Variants in KANK1 observed in about 807,000 individuals in gnomAD.
KANK1 encodes KN motif and ankyrin repeat domains 1.
A neutral mutation model predicts 106.2 loss-of-function variants in KANK1; 109 were observed. The ratio of observed to expected loss-of-function variants is 1.03; its 90% confidence interval spans 0.88 to 1.20. The LOEUF (loss-of-function observed/expected upper bound fraction) is 1.20. KANK1 is among the 50% of genes most tolerant of loss of function. KANK1 has a pLI of 0.00. For missense variants in KANK1, 2,399 were observed against 1,710.7 expected, an observed-to-expected ratio of 1.40 and a Z score of -7.10; for synonymous variants, 873 against 652.2, an observed-to-expected ratio of 1.34 and a Z score of -5.16.
In KANK1 at chr9:687,416, C is replaced by G. The variant is rs1338451693; in HGVS notation, c.37+10407C>G. 2.0e-5 allele frequency among the ~76,000 whole-genome samples: 3 copies of G among 152,114 alleles called. No individual in the cohort carries two copies. In the East Asian group the frequency reaches 5.8e-4, roughly 29 times the overall value. ...ATTATTCCCTTATCTTAACTCTGAA[C>G]TTTTGTTTTGGACTTATTTTGTCTG... On this transcript the variant is annotated intron_variant, in intron 2 of 11. Coordinates refer to ENST00000382297, the MANE Select transcript of KANK1 (RefSeq NM_015158.5).
At chr9:674,449 C>T (rs1049299816) in intron 1 of KANK1, 5 of 151,132 alleles carry the variant, frequency 3.3e-5, no homozygotes, top group African/African-American at 9.7e-5. Flanking sequence ...GTTGCTTTCA[C>T]AGTAGTTAGC....
intron 1 of KANK1, among the ~76,000 whole-genome samples, chr9:612,245 G>GT (rs1352037840): frequency 6.6e-6 from 1 of 152,182 alleles, no homozygotes; most frequent in African/African-American, 2.4e-5. Flanking sequence ...TCTTGGGTAA[G>GT]ACTGAGAATG....
intron 9 of KANK1, among the ~76,000 whole-genome samples, chr9:741,606 G>A (rs764079525): frequency 6.6e-6 from 1 of 151,386 alleles, no homozygotes; most frequent in Non-Finnish European, 1.5e-5. Context: ...TCCTGCCTCA[G>A]CCTCCCAAGT....
chr9:731,356 G>A, intron 5 of KANK1, 90 bp downstream of exon 5: 2 of 701,000 alleles, frequency 2.9e-6, no homozygotes, highest in Admixed American at 2.6e-5. Context: ...AGTCGGGGAA[G>A]CGGCCACAGC....
intron 1 of KANK1, among the ~76,000 whole-genome samples, chr9:631,433 C>G (rs533756554): frequency 1.3e-5 from 2 of 152,148 alleles, no homozygotes; most frequent in South Asian, 4.1e-4. Context: ...CAACTATACC[C>G]TTGAGCTCAG....
intron 2 of KANK1, among the ~76,000 whole-genome samples, chr9:683,797 G>A (rs1818027265): frequency 6.6e-6 from 1 of 152,080 alleles, no homozygotes; most frequent in Admixed American, 6.6e-5. Context: ...CTTCATCCTA[G>A]TATTAGTGTG....
intron 3 of KANK1, among the ~76,000 whole-genome samples, chr9:480,245 G>T (rs1286726764): frequency 1.3e-5 from 2 of 152,158 alleles, no homozygotes; most frequent in Non-Finnish European, 2.9e-5. Context: ...CAACCTTCTG[G>T]GATGCTGGTT....
chr9:687,208 C>T (rs1008550241), intron 2 of KANK1, among the ~76,000 whole-genome samples: 1 of 152,026 alleles, frequency 6.6e-6, no homozygotes, highest in Admixed American at 6.5e-5. Flanking sequence ...CATTTTCCTT[C>T]TTTGTGTAAT....
intron 3 of KANK1, among the ~76,000 whole-genome samples, chr9:489,687 G>GTCT (rs2058346742): frequency 6.6e-6 from 1 of 152,130 alleles, no homozygotes. Flanking sequence ...AGATAATAGA[G>GTCT]GTAAGATGCC....
chr9:669,626 C>A (rs1044468889), intron 1 of KANK1, among the ~76,000 whole-genome samples: 2 of 152,016 alleles, frequency 1.3e-5, no homozygotes, highest in Non-Finnish European at 2.9e-5. Context: ...ATGTTATATC[C>A]TCCTTTTTTC....
At position 712,773 on chromosome 9, in the gene KANK1, A is replaced by T. The variant is rs1326967810; in HGVS notation, c.2007A>T (p.Ala669=). Residue 669 remains alanine (A), a synonymous_variant, in exon 3 of 12, where the codon GCA becomes GCT. Transcript: ENST00000382297. ...EAAVMAVPRT[A]DQDTSTDLEQ... ...CCGTCATGGCAGTGCCTCGTACTGC[A>T]GACCAGGACACTAGCACAGATTTGG... is the stretch of plus-strand genomic sequence containing the variant. 2 of 1,613,758 alleles carry T rather than the reference A, an allele frequency of 1.2e-6. No individual in the cohort carries two copies. The highest frequency in any genetic ancestry group is 1.3e-5 in the African/African-American group (1 of 74,924).
Position 660,557 on chromosome 9 carries a change from A to G in KANK1, c.-83-16333A>G, listed in dbSNP as rs538501637. On this transcript the variant is annotated intron_variant, in intron 1 of 11. Transcript: ENST00000382297. ...AGAGGTCAAGCAGTAGGCGCCTGGC[A>G]GTGTCAAGTCTGAAACAAAGCAATA... is the stretch of plus-strand genomic sequence containing the variant. Among the ~76,000 whole-genome samples the G allele has an allele frequency of 4.6e-5, 7 of 152,304 alleles. 1 individual carries two copies. Among genetic ancestry groups the G allele is most frequent in the African/African-American group, 1.7e-4 (7 of 41,544 alleles).
chr9:513,148 A>T lies in KANK1; in HGVS notation c.-84+8394A>T, dbSNP rs79431890. On this transcript the variant is annotated intron_variant, in intron 1 of 11. Transcript: ENST00000382297. ...TCTTTGTGAGCCTAGCAGGTGGCAT[A>T]ATTTGACACTTTTTATTTTTTCTCT... Among the ~76,000 whole-genome samples the T allele has an allele frequency of 2.5e-3, 382 of 152,284 alleles. 1 individual carries two copies. Among genetic ancestry groups the T allele is most frequent in the Non-Finnish European group, 4.6e-3 (310 of 68,038 alleles).
At chr9:739,948 C>T (rs1418272006) in intron 8 of KANK1, among the ~76,000 whole-genome samples, 2 of 152,068 alleles carry the variant, frequency 1.3e-5, no homozygotes, top group Admixed American at 1.3e-4. Context: ...TTAAAAACAC[C>T]CACTTTTAAA....
chr9:639,163 T>G (rs1837818261), intron 1 of KANK1, among the ~76,000 whole-genome samples: 1 of 152,186 alleles, frequency 6.6e-6, no homozygotes, highest in African/African-American at 2.4e-5. Flanking sequence ...TCTTCAAAGC[T>G]GTCATTTTAC....
Position 711,536 on chromosome 9 carries a change from C to T in KANK1, c.770C>T (p.Pro257Leu). 1 of 1,613,862 alleles carries T rather than the reference C, an allele frequency of 6.2e-7. No homozygotes were observed. The highest frequency in any genetic ancestry group is 8.5e-7 in the Non-Finnish European group (1 of 1,179,868). ...GISTPVTNVS[P>L]MHLQHIREQM... Reference sequence around the variant, plus strand: ...TCCACCCCAGTGACCAACGTGAGCCCCATGCACCTGCAGCACATCCGCGAG... The same window carrying T: ...TCCACCCCAGTGACCAACGTGAGCCTCATGCACCTGCAGCACATCCGCGAG... The change falls in exon 3 of 12, where the codon CCC becomes CTC. Residue 257 changes from proline (P) to leucine (L), a missense_variant. By Grantham distance (98) the Pro-to-Leu change is moderately conservative. Coordinates refer to ENST00000382297, the MANE Select transcript of KANK1 (RefSeq NM_015158.5).
At chr9:569,144 G>C (rs898520859) in intron 1 of KANK1, among the ~76,000 whole-genome samples, 1 of 152,022 alleles carries the variant, frequency 6.6e-6, no homozygotes, top group Non-Finnish European at 1.5e-5. Flanking sequence ...ACCCAGTCCT[G>C]CCCACCTGCC....
Position 542,260 on chromosome 9 carries a change from G to T in KANK1, c.-84+37506G>T, listed in dbSNP as rs185338508. ...ATGCCTGTAAATCCCAGCACTTTGG[G>T]AGGCCGAGGCAGGCAGATCACTTGA... is the stretch of plus-strand genomic sequence containing the variant. On this transcript the variant is annotated intron_variant, in intron 1 of 11. Transcript: ENST00000382297. Among the ~76,000 whole-genome samples the T allele has an allele frequency of 1.5e-3, 233 of 152,338 alleles. 1 individual carries two copies. Among genetic ancestry groups the T allele is most frequent in the African/African-American group, 5.1e-3 (214 of 41,582 alleles).
intron 1 of KANK1, among the ~76,000 whole-genome samples, chr9:605,711 G>C (rs1828931017): frequency 6.6e-6 from 1 of 151,780 alleles, no homozygotes; most frequent in African/African-American, 2.4e-5. Context: ...AGCATGATCA[G>C]GCTGGGGATG....
Sources: allele counts gnomAD v4.1 joint callset (sites outside exome capture counted in the v4.1 genomes callset), GRCh38; gene constraint gnomAD v4.1.1; transcripts MANE v1.5; gene names NCBI Gene and HGNC (gene_info 2026-07-23, HGNC 2026-07-21).